Variants in VSIR observed in about 807,000 individuals in gnomAD.
VSIR encodes the protein V-set immunoregulatory receptor, also known as V-type immunoglobulin domain-containing suppressor of T-cell activation.
VSIR carries 10 observed loss-of-function variants against 31.0 expected under a neutral mutation model. The ratio of observed to expected loss-of-function variants is 0.32; its 90% CI spans 0.20 to 0.55. The LOEUF (loss-of-function observed/expected upper bound fraction) is 0.55, where lower values mean the gene tolerates loss of function less well. VSIR is among the 20% of genes least tolerant of loss of function. VSIR has a pLI of 0.93. For synonymous variants in VSIR, 179 were observed against 180.1 expected (o/e 0.99, Z 0.05); for missense variants, 356 against 416.2 (o/e 0.86, Z 1.26).
Position 71,773,494 on chromosome 10 carries a change from G to A in VSIR, c.-55C>T. 6.6e-7 allele frequency: 1 copy of A among 1,524,084 alleles called. No homozygotes were observed. The allele number at this position is 1,524,084 out of a possible 1,614,324, so 94.4% of individuals were successfully genotyped here. A position where few individuals can be genotyped will look rare whatever the true frequency, so the allele number is the denominator to read the frequency against. On this transcript the variant is annotated 5_prime_UTR_variant, in exon 1 of 7. Coordinates refer to ENST00000394957, the MANE Select transcript of VSIR (RefSeq NM_022153.2). ...GGTGCCGGGGAGCGGGCGGGACGCG[G>A]CCGGCGCGGGGAAGCCTCCCGCGAC...
intron 1 of VSIR, among the ~76,000 whole-genome samples, chr10:71,768,165 C>CTGTTGT: frequency 6.6e-6 from 1 of 151,758 alleles, no homozygotes; most frequent in African/African-American, 2.4e-5. Flanking sequence ...GGCTTTGTTG[C>CTGTTGT]TGTTGTTGTT....
chr10:71,760,753 C>CA (rs1395699480), intron 3 of VSIR, 115 bp downstream of exon 3: 6 of 927,482 alleles, frequency 6.5e-6, no homozygotes, highest in South Asian at 1.4e-5. Flanking sequence ...GGAGGAGGAC[C>CA]GGGGGGTTCT....
At chr10:71,771,390 A>T (rs1462809075) in intron 1 of VSIR, among the ~76,000 whole-genome samples, 2 of 152,026 alleles carry the variant, frequency 1.3e-5, no homozygotes, top group East Asian at 3.9e-4. Context: ...ACTCTATCTC[A>T]CTTTCCCTGG....
chr10:71,760,279 ATG>A (rs1840339540), intron 3 of VSIR, among the ~76,000 whole-genome samples: 3 of 112,726 alleles, frequency 2.7e-5, no homozygotes, highest in Admixed American at 9.8e-5. Flanking sequence ...ATATATATGT[ATG>A]TATATATGTG....
At chr10:71,766,207 G>A (rs995247392) in intron 1 of VSIR, among the ~76,000 whole-genome samples, 1 of 152,220 alleles carries the variant, frequency 6.6e-6, no homozygotes, top group African/African-American at 2.4e-5. Context: ...GGTCATTGTC[G>A]GAGACCGGGA....
At chr10:71,762,714 G>C (rs1840427008) in intron 1 of VSIR, among the ~76,000 whole-genome samples, 1 of 152,234 alleles carries the variant, frequency 6.6e-6, no homozygotes, top group African/African-American at 2.4e-5. Context: ...GCATAGATAG[G>C]ATTTCAGCCA....
At chr10:71,769,488 A>T (rs1256717667) in intron 1 of VSIR, among the ~76,000 whole-genome samples, 3 of 152,232 alleles carry the variant, frequency 2.0e-5, no homozygotes, top group Non-Finnish European at 2.9e-5. Context: ...AGATTTAAAG[A>T]AAAAAATAAG....
chr10:71,757,130 T>C (rs764760576), intron 3 of VSIR, among the ~76,000 whole-genome samples: 1 of 152,222 alleles, frequency 6.6e-6, no homozygotes, highest in Non-Finnish European at 1.5e-5. Context: ...AAGGACCTTA[T>C]TGTGGGCAAT....
chr10:71,755,324 C>T (rs771476432), intron 4 of VSIR, 35 bp downstream of exon 4: 4 of 1,575,588 alleles, frequency 2.5e-6, no homozygotes, highest in South Asian at 1.1e-5. Context: ...GTCACTCGCA[C>T]CGTCCACCCA....
intron 1 of VSIR, among the ~76,000 whole-genome samples, chr10:71,767,522 T>G (rs951283300): frequency 7.9e-5 from 12 of 152,232 alleles, no homozygotes; most frequent in Non-Finnish European, 1.3e-4. Flanking sequence ...GGGACCTGGT[T>G]CCAGCTCCCC....
chr10:71,751,118 TG>T lies in VSIR; in HGVS notation c.*134del, dbSNP rs1235645124. On this transcript the variant is annotated 3_prime_UTR_variant, in exon 7 of 7. Transcript: ENST00000394957. The surrounding 1 kb of genome is among the most constrained non-coding windows in gnomAD (Gnocchi z 4.9). ...GGGTTGAGGGGCTGGGCTTCTGGGA[TG>T]TCACAGTATCTGAGCCCAGAGCAGG... 2.9e-6 allele frequency: 3 copies of T among 1,042,194 alleles called. No homozygotes were observed. In the African/African-American group the frequency reaches 4.9e-5, roughly 17 times the overall value. 64.6% of individuals were successfully genotyped at this position (1,042,194 alleles called of 1,614,324 possible). A position where few individuals can be genotyped will look rare whatever the true frequency, so the allele number is the denominator to read the frequency against.
At chr10:71,759,623 A>G (rs1415869818) in intron 3 of VSIR, among the ~76,000 whole-genome samples, 4 of 151,914 alleles carry the variant, frequency 2.6e-5, no homozygotes, top group Non-Finnish European at 5.9e-5. Flanking sequence ...CCTGGCCAAC[A>G]TGGTGAAACC....
intron 2 of VSIR, among the ~76,000 whole-genome samples, chr10:71,761,142 C>T (rs572586662): frequency 6.6e-6 from 1 of 152,148 alleles, no homozygotes; most frequent in South Asian, 2.1e-4. Context: ...CATGTGAATA[C>T]CCGCTGGTGC....
In VSIR at chr10:71,773,492, C is replaced by A; in HGVS notation, c.-53G>T. 6.6e-7 allele frequency: 1 copy of A among 1,526,592 alleles called. No homozygotes were observed. Among genetic ancestry groups the A allele is most frequent in the Non-Finnish European group, 8.9e-7 (1 of 1,125,304 alleles). 94.6% of individuals were successfully genotyped at this position (1,526,592 alleles called of 1,614,324 possible). A position where few individuals can be genotyped will look rare whatever the true frequency, so the allele number is the denominator to read the frequency against. ...CTGGTGCCGGGGAGCGGGCGGGACG[C>A]GGCCGGCGCGGGGAAGCCTCCCGCG... On this transcript the variant is annotated 5_prime_UTR_variant, in exon 1 of 7. Transcript: ENST00000394957.
rs748283137 is a variant in VSIR, at chr10:71,761,656, G to T, written c.453C>A (p.Ile151=). 1 of 1,613,068 alleles carries T rather than the reference G, an allele frequency of 6.2e-7. No individual in the cohort carries two copies. Among genetic ancestry groups the T allele is most frequent in the Non-Finnish European group, 8.5e-7 (1 of 1,179,694 alleles). ...CCCTGTGCTCCGAGTGGTGGTGCCT[G>T]ATCTCCACCACCAGGCAGCAGTAGA... The part of the protein sequence containing the change: ...SGLYCCLVVE[I]RHHHSEHRVH... Residue 151 remains isoleucine, a synonymous_variant, in exon 2 of 7, where the codon ATC becomes ATA. Coordinates refer to ENST00000394957, the MANE Select transcript of VSIR (RefSeq NM_022153.2).
intron 1 of VSIR, among the ~76,000 whole-genome samples, chr10:71,766,667 A>G (rs1471054218): frequency 6.6e-6 from 1 of 152,136 alleles, no homozygotes; most frequent in African/African-American, 2.4e-5. Flanking sequence ...TATACCTGTC[A>G]CATTTAGTTC....
chr10:71,760,671 C>T (rs1227388380), intron 3 of VSIR, 197 bp downstream of exon 3: 2 of 596,196 alleles, frequency 3.4e-6, no homozygotes, highest in East Asian at 5.7e-5. Flanking sequence ...GACTCCAGAG[C>T]AGATGGAAGG....
intron 3 of VSIR, 25 bp from the exon 4 acceptor site, chr10:71,755,491 G>A (rs1005980783): frequency 6.3e-7 from 1 of 1,589,842 alleles, no homozygotes; most frequent in Admixed American, 1.7e-5. Flanking sequence ...AGGTAGCCAA[G>A]GTGAAGCCCC....
At position 71,761,578 on chromosome 10, in the gene VSIR, C is replaced by T; in HGVS notation, c.511+20G>A. ...CAGCCCTCCACACACGCCAGGCTGTCACGTGCAGGATGCCCTCACCTGTCT... is the reference window on the plus strand; with the variant it reads ...CAGCCCTCCACACACGCCAGGCTGTTACGTGCAGGATGCCCTCACCTGTCT... On this transcript the variant is annotated intron_variant, in intron 2 of 6. Transcript: ENST00000394957. 1 of 1,551,044 alleles carries T rather than the reference C, an allele frequency of 6.4e-7. No homozygotes were observed.
Sources: gnomAD v4.1 joint callset for allele counts (sites outside exome capture counted in the v4.1 genomes callset) on GRCh38, gnomAD v4.1.1 for gene constraint, Gnocchi (gnomAD v3.1) non-coding constraint, MANE v1.5 for transcripts, NCBI Gene and HGNC (gene_info 2026-07-23, HGNC 2026-07-21) for gene names.